The following PKP4 variants were observed in gnomAD, a reference collection of about 807,000 sequenced individuals.
PKP4 encodes plakophilin 4.
In PKP4, 90 loss-of-function variants were observed where a neutral mutation model predicts 145.1. The ratio of observed to expected loss-of-function variants is 0.62; its 90% CI spans 0.52 to 0.74. The LOEUF (loss-of-function observed/expected upper bound fraction) is 0.74, where lower values mean the gene tolerates loss of function less well. Among genes scored for constraint, PKP4 ranks in the 30% least tolerant of loss-of-function variants. The pLI is 0.00. For synonymous variants in PKP4, 563 were observed against 577.2 expected, an observed-to-expected ratio of 0.98 and a Z score of 0.35; for missense variants, 1,340 against 1,482.7, an observed-to-expected ratio of 0.90 and a Z score of 1.58.
intron 8 of PKP4, chr2:158,632,572 T>C (rs1483774077): frequency 6.6e-6 from 1 of 152,104 alleles, no homozygotes; most frequent in Non-Finnish European, 1.5e-5. Flanking sequence ...CTGTAGCCCA[T>C]GGTGGTGTGA....
At position 158,598,583 on chromosome 2, in the gene PKP4, C is replaced by T. The variant is rs193271441; in HGVS notation, c.246-4487C>T. Reference sequence around the variant, plus strand: ...GAGATCGAGACCATCCTGGCTAACACGGTGAAACCCCGTCTCTACTAAAAA... The same window carrying T: ...GAGATCGAGACCATCCTGGCTAACATGGTGAAACCCCGTCTCTACTAAAAA... On this transcript the variant is annotated intron_variant, in intron 3 of 21. Coordinates refer to ENST00000389759, the MANE Select transcript of PKP4 (RefSeq NM_003628.6). Among the ~76,000 whole-genome samples the T allele has an allele frequency of 1.2e-3, 186 of 152,096 alleles. 1 individual carries two copies. The highest frequency in any genetic ancestry group is 4.3e-3 in the African/African-American group (180 of 41,514).
intron 3 of PKP4, among the ~76,000 whole-genome samples, chr2:158,590,504 T>G (rs545279808): frequency 6.3e-4 from 96 of 152,026 alleles, no homozygotes; most frequent in African/African-American, 2.2e-3. Flanking sequence ...TTATCAATAA[T>G]GGGGCTATTT....
rs2054060417 is a variant in PKP4 at position 158,639,147 on chromosome 2, C to A, written c.1563-1480C>A. Among the ~76,000 whole-genome samples, 3 of 152,314 alleles carry A rather than the reference C, an allele frequency of 2.0e-5. No homozygotes were observed. In the South Asian group the frequency reaches 6.2e-4, roughly 32 times the overall value. ...TAAATGAGATAATGAAGGTAAAGTT[C>A]TTGGCACAAAGCCTGATATAAGTAA... On this transcript the variant is annotated intron_variant, in intron 9 of 21. Transcript: ENST00000389759.
chr2:158,625,267 C>T lies in PKP4; in HGVS notation c.993C>T (p.Gly331=), dbSNP rs2052655965. The change falls in exon 7 of 22, where the codon GGC becomes GGT. Residue 331 remains glycine, a synonymous_variant. Coordinates refer to ENST00000389759, the MANE Select transcript of PKP4 (RefSeq NM_003628.6). ...CTCGAGTAGCTTCCCCATCCCAAGG[C>T]CAGGTGGGGTCGTCGTCCCCCAAAC... ...AQTRVASPSQ[G]QVGSSSPKRS... 13 of 1,614,082 alleles carry T rather than the reference C, an allele frequency of 8.1e-6. No homozygotes were observed. The highest frequency in any genetic ancestry group is 1.0e-5 in the Non-Finnish European group (12 of 1,180,036).
chr2:158,526,740 T>C (rs9711364), intron 1 of PKP4, among the ~76,000 whole-genome samples: 51 of 79,006 alleles, frequency 6.5e-4, no homozygotes, highest in South Asian at 2.2e-3. Flanking sequence ...AAAACCCCAT[T>C]GTCTCAGCCC....
At chr2:158,558,415 G>A (rs905598981) in intron 2 of PKP4, among the ~76,000 whole-genome samples, 1 of 151,970 alleles carries the variant, frequency 6.6e-6, no homozygotes, top group Admixed American at 6.6e-5. Flanking sequence ...GAGGCAGGGT[G>A]GGCAAAAAAT....
intron 9 of PKP4, 104 bp downstream of exon 9, chr2:158,634,393 A>G (rs543370010): frequency 5.4e-6 from 4 of 735,306 alleles, no homozygotes; most frequent in African/African-American, 5.3e-5. Flanking sequence ...TACTATCATT[A>G]TACTATCATT....
At chr2:158,499,583 C>T (rs1439804461) in intron 1 of PKP4, among the ~76,000 whole-genome samples, 3 of 152,148 alleles carry the variant, frequency 2.0e-5, no homozygotes, top group Non-Finnish European at 4.4e-5. Flanking sequence ...GGGCCTGTGT[C>T]CACTGGCCTG....
intron 2 of PKP4, among the ~76,000 whole-genome samples, chr2:158,535,899 T>C (rs1326824702): frequency 6.6e-6 from 1 of 152,206 alleles, no homozygotes; most frequent in Non-Finnish European, 1.5e-5. Flanking sequence ...TTTTCTCTTT[T>C]AACCATGTGA....
At chr2:158,488,423 C>T (rs1694485683) in intron 1 of PKP4, among the ~76,000 whole-genome samples, 1 of 152,116 alleles carries the variant, frequency 6.6e-6, no homozygotes, top group Admixed American at 6.5e-5. Flanking sequence ...TGCTAAATTC[C>T]CATATATACC....
chr2:158,639,957 T>C (rs899054063), intron 9 of PKP4, among the ~76,000 whole-genome samples: 4 of 152,148 alleles, frequency 2.6e-5, no homozygotes, highest in African/African-American at 9.7e-5. Flanking sequence ...AGGATAGGGG[T>C]TTATGAAATA....
chr2:158,583,151 A>T (rs967415781), intron 3 of PKP4, among the ~76,000 whole-genome samples: 3 of 152,166 alleles, frequency 2.0e-5, no homozygotes, highest in African/African-American at 7.2e-5. Context: ...ACATCCTTCA[A>T]ATCCAACTTT....
chr2:158,521,753 C>T (rs971559805), intron 1 of PKP4, among the ~76,000 whole-genome samples: 66 of 152,168 alleles, frequency 4.3e-4, no homozygotes, highest in African/African-American at 1.5e-3. Context: ...CCTAGTACTT[C>T]ATTCTTCTGC....
intron 1 of PKP4, among the ~76,000 whole-genome samples, chr2:158,497,400 T>C (rs1440766953): frequency 6.6e-6 from 1 of 152,230 alleles, no homozygotes; most frequent in Non-Finnish European, 1.5e-5. Flanking sequence ...TCCTGCTTTT[T>C]CTCTTTAGTT....
In PKP4 at chr2:158,457,193, A is replaced by T. The variant is rs1345023843; in HGVS notation, c.-31A>T. On this transcript the variant is annotated 5_prime_UTR_variant, in exon 1 of 22. Transcript: ENST00000389759. ...GCCGATGTCCCTGATCCCTGGAGCG[A>T]CGACGGCCGCTGCCTAAGCTGGAAA... The T allele has an allele frequency of 6.6e-6, 1 of 151,458 alleles. No individual in the cohort carries two copies. The highest frequency in any genetic ancestry group is 1.5e-5 in the Non-Finnish European group (1 of 67,836). 9.4% of individuals were successfully genotyped at this position (151,458 alleles called of 1,614,324 possible).
intron 3 of PKP4, among the ~76,000 whole-genome samples, chr2:158,601,122 A>G (rs2050189989): frequency 6.6e-6 from 1 of 152,168 alleles, no homozygotes; most frequent in Non-Finnish European, 1.5e-5. Flanking sequence ...TGCCTGGCAA[A>G]TGCTAGGCAC....
chr2:158,637,655 C>T (rs573177781), intron 9 of PKP4, among the ~76,000 whole-genome samples: 1 of 152,340 alleles, frequency 6.6e-6, no homozygotes, highest in East Asian at 1.9e-4. Flanking sequence ...ATGTTTCCCT[C>T]CTCTCAAGGA....
Position 158,663,029 on chromosome 2 carries a change from G to A in PKP4, c.2344G>A (p.Glu782Lys), listed in dbSNP as rs2056752178. 13 of 1,613,982 alleles carry A rather than the reference G, an allele frequency of 8.1e-6. No individual in the cohort carries two copies. Among genetic ancestry groups the A allele is most frequent in the South Asian group, 2.2e-5 (2 of 91,054 alleles). Residue 782 changes from glutamate (E) to lysine (K), a missense_variant, in exon 14 of 22, where the codon GAG (glutamate) becomes AAG (lysine). Transcript: ENST00000389759. ...AAAAGAGTCTCCCAGCAAAGACTCT[G>A]AGCCAAGTTGCTGGGGGAAGAAGAA... The part of the protein sequence containing the change: ...LGKESPSKDS[E>K]PSCWGKKKKK...
At chr2:158,658,517 T>C in intron 12 of PKP4, 1 of 473,752 alleles carries the variant, frequency 2.1e-6, no homozygotes, top group Non-Finnish European at 3.7e-6. Flanking sequence ...ATCTTGTAAA[T>C]GACTCTTCTG....
Sources: gnomAD v4.1 joint callset for allele counts (sites outside exome capture counted in the v4.1 genomes callset) on GRCh38, gnomAD v4.1.1 for gene constraint, MANE v1.5 for transcripts, NCBI Gene and HGNC (gene_info 2026-07-23, HGNC 2026-07-21) for gene names.